The following LRFN2 variants were observed in gnomAD, a reference collection of about 807,000 sequenced individuals.
The protein encoded by LRFN2 is leucine rich repeat and fibronectin type III domain containing 2, also known as leucine-rich repeat and fibronectin type-III domain-containing protein 2.
Under a neutral mutation model 37.3 loss-of-function variants are expected in LRFN2, and 18 were observed. The observed-to-expected ratio is 0.48, with a 90% CI of 0.33 to 0.72. LRFN2 has a LOEUF of 0.72. LRFN2 is among the 30% of genes least tolerant of loss of function. The probability of loss-of-function intolerance (pLI) is 0.02; values close to 1 mark genes in which losing one functional copy is unlikely to be tolerated. For missense variants in LRFN2, 1,006 were observed against 1,060.7 expected (o/e 0.95, Z 0.72); for synonymous variants, 556 against 466.6 (o/e 1.19, Z -2.47).
At chr6:40,449,387 C>T (rs1255260651) in intron 1 of LRFN2, among the ~76,000 whole-genome samples, 3 of 152,198 alleles carry the variant, frequency 2.0e-5, no homozygotes, top group African/African-American at 7.2e-5. Context: ...ACTGTATTTC[C>T]CAGCCTCCCT....
chr6:40,582,697 C>T (rs925877125), intron 1 of LRFN2, among the ~76,000 whole-genome samples: 11 of 139,844 alleles, frequency 7.9e-5, no homozygotes, highest in African/African-American at 2.5e-4. Context: ...TCAGTTACAA[C>T]GTAAGGAAAT....
At chr6:40,400,043 G>A (rs1762706683) in intron 2 of LRFN2, among the ~76,000 whole-genome samples, 1 of 151,528 alleles carries the variant, frequency 6.6e-6, no homozygotes, top group Admixed American at 6.6e-5. Flanking sequence ...TTCTCCACTG[G>A]GTGACCTCAT....
chr6:40,528,447 G>A (rs58994003), intron 1 of LRFN2, among the ~76,000 whole-genome samples: 1 of 152,168 alleles, frequency 6.6e-6, no homozygotes, highest in South Asian at 2.1e-4. Context: ...CCAGTGCTTA[G>A]GTCCTGATGC....
At chr6:40,394,015 C>T (rs1460711910) in intron 2 of LRFN2, among the ~76,000 whole-genome samples, 2 of 152,088 alleles carry the variant, frequency 1.3e-5, no homozygotes, top group Non-Finnish European at 2.9e-5. Context: ...AGGAAAGGGA[C>T]GATTCCTTGG....
intron 2 of LRFN2, among the ~76,000 whole-genome samples, chr6:40,427,615 G>A (rs1225172915): frequency 6.6e-6 from 1 of 152,200 alleles, no homozygotes; most frequent in African/African-American, 2.4e-5. Context: ...TTTGCCCTTA[G>A]TGAACCCATG....
chr6:40,501,502 A>G (rs556224617), intron 1 of LRFN2: 1 of 148,930 alleles, frequency 6.7e-6, no homozygotes, highest in African/African-American at 2.5e-5. Context: ...TTTTTTTTTA[A>G]TTTTTAGCAG....
chr6:40,405,047 A>G (rs1762813162), intron 2 of LRFN2, among the ~76,000 whole-genome samples: 2 of 152,124 alleles, frequency 1.3e-5, no homozygotes, highest in Admixed American at 6.5e-5. Context: ...GTCCTCAAAT[A>G]GGGCCAGCCC....
chr6:40,493,749 C>G (rs906252313), intron 1 of LRFN2, among the ~76,000 whole-genome samples: 1 of 152,214 alleles, frequency 6.6e-6, no homozygotes, highest in Admixed American at 6.5e-5. Context: ...TGCCTGGATG[C>G]TGGCCTCACC....
At chr6:40,489,458 C>A (rs911668811) in intron 1 of LRFN2, among the ~76,000 whole-genome samples, 1 of 152,182 alleles carries the variant, frequency 6.6e-6, no homozygotes, top group Non-Finnish European at 1.5e-5. Flanking sequence ...GGTCTCCAGG[C>A]TCTCCTCAAC....
At chr6:40,547,616 T>G (rs1234607348) in intron 1 of LRFN2, among the ~76,000 whole-genome samples, 1 of 152,120 alleles carries the variant, frequency 6.6e-6, no homozygotes, top group Middle Eastern at 3.2e-3. Context: ...GTGGGCATCA[T>G]GCCCTCTGCC....
At chr6:40,518,843 G>C (rs950462158) in intron 1 of LRFN2, among the ~76,000 whole-genome samples, 1 of 152,196 alleles carries the variant, frequency 6.6e-6, no homozygotes, top group Non-Finnish European at 1.5e-5. Flanking sequence ...CCCAAGAGAA[G>C]TGATGCTTGA....
intron 1 of LRFN2, among the ~76,000 whole-genome samples, chr6:40,556,116 C>G (rs1434203405): frequency 1.3e-5 from 2 of 152,218 alleles, no homozygotes; most frequent in East Asian, 3.9e-4. Flanking sequence ...TGGAAAGCCC[C>G]CGCACCATGC....
intron 1 of LRFN2, among the ~76,000 whole-genome samples, chr6:40,556,511 AC>A (rs2113926403): frequency 6.6e-6 from 1 of 152,048 alleles, no homozygotes; most frequent in East Asian, 1.9e-4. Flanking sequence ...GCTCACCTGC[AC>A]CCTGATTCTG....
At chr6:40,450,447 C>G (rs904085316) in intron 1 of LRFN2, among the ~76,000 whole-genome samples, 1 of 152,216 alleles carries the variant, frequency 6.6e-6, no homozygotes, top group South Asian at 2.1e-4. Context: ...ATGTCAAAGG[C>G]CCCTGAGCAC....
chr6:40,577,773 TAAA>T (rs766110810), intron 1 of LRFN2, among the ~76,000 whole-genome samples: 1 of 91,056 alleles, frequency 1.1e-5, no homozygotes, highest in African/African-American at 4.1e-5. Flanking sequence ...TAAAGTATAA[TAAA>T]AAAAAAAGGA....
intron 2 of LRFN2, among the ~76,000 whole-genome samples, chr6:40,399,695 CCTAAAGTG>C (rs1762698609): frequency 6.6e-6 from 1 of 151,750 alleles, no homozygotes; most frequent in South Asian, 2.1e-4. Flanking sequence ...GCCTTGGCTT[CCTAAAGTG>C]CTGGGATTAC....
At chr6:40,428,654 CT>C (rs1160356980) in intron 2 of LRFN2, among the ~76,000 whole-genome samples, 2 of 152,194 alleles carry the variant, frequency 1.3e-5, no homozygotes, top group African/African-American at 2.4e-5. Flanking sequence ...GCTGTGTGAT[CT>C]TGGAAGAATT....
intron 1 of LRFN2, among the ~76,000 whole-genome samples, chr6:40,575,834 G>A (rs1767267264): frequency 6.6e-6 from 1 of 152,128 alleles, no homozygotes; most frequent in Non-Finnish European, 1.5e-5. Context: ...GAATTTTACT[G>A]TAATAGCTGT....
At chr6:40,413,413 A>G (rs1362228773) in intron 2 of LRFN2, among the ~76,000 whole-genome samples, 1 of 151,970 alleles carries the variant, frequency 6.6e-6, no homozygotes, top group Non-Finnish European at 1.5e-5. Context: ...TGGGCCAGGG[A>G]GGCAGTGGCT....
Sources: gnomAD v4.1 joint callset for allele counts (sites outside exome capture counted in the v4.1 genomes callset) on GRCh38, gnomAD v4.1.1 for gene constraint, MANE v1.5 for transcripts, NCBI Gene and HGNC (gene_info 2026-07-23, HGNC 2026-07-21) for gene names.